The following KIF2A variants were observed in gnomAD, a reference collection of about 807,000 sequenced individuals.
KIF2A encodes the protein kinesin-like protein KIF2A.
KIF2A carries 22 observed loss-of-function variants against 100.2 expected under a neutral mutation model. The observed-to-expected ratio is 0.22, with a 90% CI of 0.16 to 0.31. The LOEUF (loss-of-function observed/expected upper bound fraction) is 0.31. Among genes scored for constraint, KIF2A ranks in the 10% least tolerant of loss-of-function variants. The probability of loss-of-function intolerance (pLI) is 1.00; values close to 1 mark genes in which losing one functional copy is unlikely to be tolerated. For synonymous variants in KIF2A, 268 were observed against 285.9 expected (o/e 0.94, Z 0.63); for missense variants, 495 against 898.7 (o/e 0.55, Z 5.74).
chr5:62,365,186 T>G (rs74715933), intron 14 of KIF2A, 57 bp from the exon 15 acceptor site: 18 of 840,760 alleles, frequency 2.1e-5, no homozygotes, highest in Non-Finnish European at 3.4e-5. Context: ...ATATGTTAAT[T>G]AAGATTATCC....
chr5:62,355,318 A>G, intron 7 of KIF2A, 64 bp downstream of exon 7: 1 of 829,122 alleles, frequency 1.2e-6, no homozygotes, highest in Non-Finnish European at 2.0e-6. Flanking sequence ...CGTGTTTGAC[A>G]CTTGCTAAAT....
At chr5:62,377,538 C>A in intron 18 of KIF2A, 123 bp from the exon 19 acceptor site, 1 of 464,416 alleles carries the variant, frequency 2.2e-6, no homozygotes, top group Non-Finnish European at 3.8e-6. Context: ...ATATATTTTA[C>A]TAGCCTTTAC....
chr5:62,338,890 A>G lies in KIF2A; in HGVS notation c.65-8240A>G, dbSNP rs569532678. On this transcript the variant is annotated intron_variant, in intron 1 of 20. Coordinates refer to ENST00000407818, the MANE Select transcript of KIF2A (RefSeq NM_001098511.3). ...GCCCCAACACTCAAGTCAGTACTCA[A>G]AAGGCCTGAATGGCTAACAAGCACA... is the stretch of plus-strand genomic sequence containing the variant. 6.6e-5 allele frequency among the ~76,000 whole-genome samples: 10 copies of G among 152,354 alleles called. No homozygotes were observed. The East Asian group carries it at 1.9e-3, about 29-fold the overall frequency.
intron 13 of KIF2A, 118 bp downstream of exon 13, chr5:62,363,438 A>T: frequency 1.0e-6 from 1 of 972,476 alleles, no homozygotes; most frequent in Non-Finnish European, 1.5e-6. Flanking sequence ...TTGTTCATAA[A>T]AACTTGTGTT....
chr5:62,308,488 A>G (rs1561242434), intron 1 of KIF2A: 6 of 752,594 alleles, frequency 8.0e-6, no homozygotes, highest in Admixed American at 2.0e-5. Flanking sequence ...AAGATAGGGA[A>G]GCAACCTAAA....
chr5:62,308,544 G>A, intron 1 of KIF2A: 1 of 703,018 alleles, frequency 1.4e-6, no homozygotes, highest in South Asian at 1.5e-5. Context: ...ATGTGTGTGT[G>A]TATACGTTTA....
intron 1 of KIF2A, among the ~76,000 whole-genome samples, chr5:62,334,226 A>G (rs1057174749): frequency 6.6e-6 from 1 of 151,694 alleles, no homozygotes; most frequent in African/African-American, 2.4e-5. Flanking sequence ...AGTACCTCCA[A>G]TTTGACTCAC....
intron 9 of KIF2A, among the ~76,000 whole-genome samples, 165 bp downstream of exon 9, chr5:62,358,464 C>T (rs1748222890): frequency 6.6e-6 from 1 of 152,110 alleles, no homozygotes; most frequent in South Asian, 2.1e-4. Flanking sequence ...AATATTAACA[C>T]TTGTTCTCTG....
At chr5:62,324,679 CCCTT>C (rs1258919045) in intron 1 of KIF2A, among the ~76,000 whole-genome samples, 1 of 152,112 alleles carries the variant, frequency 6.6e-6, no homozygotes, top group Non-Finnish European at 1.5e-5. Flanking sequence ...GAAACTGGAC[CCCTT>C]CCTTTCACCA....
intron 1 of KIF2A, among the ~76,000 whole-genome samples, chr5:62,326,144 C>T (rs1454275177): frequency 6.6e-6 from 1 of 152,170 alleles, no homozygotes; most frequent in Non-Finnish European, 1.5e-5. Flanking sequence ...AAAAATGCCT[C>T]TGCAGACCAA....
At position 62,361,296 on chromosome 5, in the gene KIF2A, C is replaced by A; in HGVS notation, c.927C>A (p.Cys309Ter). ...TATTTGAAAGGGGAATGGCTACATGCTTTGCTTATGGGCAGACTGGAAGTG... is the reference window on the plus strand; with the variant it reads ...TATTTGAAAGGGGAATGGCTACATGATTTGCTTATGGGCAGACTGGAAGTG... ...ETIFERGMAT[C>*]FAYGQTGSGK... Residue 309 changes from cysteine to a stop codon, truncating the protein, a stop_gained, in exon 10 of 21, where the codon TGC becomes TGA. Transcript: ENST00000407818. LOFTEE classifies it high-confidence loss of function. The A allele has an allele frequency of 6.2e-7, 1 of 1,608,950 alleles. No individual in the cohort carries two copies. The highest frequency in any genetic ancestry group is 8.5e-7 in the Non-Finnish European group (1 of 1,176,910).
At chr5:62,367,888 T>G (rs1741150322) in intron 16 of KIF2A, among the ~76,000 whole-genome samples, 1 of 152,230 alleles carries the variant, frequency 6.6e-6, no homozygotes, top group African/African-American at 2.4e-5. Context: ...ACAAAATTCC[T>G]CTTTGTAATC....
intron 1 of KIF2A, among the ~76,000 whole-genome samples, chr5:62,307,837 C>T (rs1579989241): frequency 6.6e-6 from 1 of 152,090 alleles, no homozygotes; most frequent in African/African-American, 2.4e-5. Flanking sequence ...AGGCTGGTCT[C>T]GAACTCCTGA....
chr5:62,310,442 A>C (rs1431559863), intron 1 of KIF2A, among the ~76,000 whole-genome samples: 1 of 152,240 alleles, frequency 6.6e-6, no homozygotes, highest in Non-Finnish European at 1.5e-5. Flanking sequence ...AATTCCTTGC[A>C]CATCGTTTTT....
chr5:62,338,320 G>C (rs1476488974), intron 1 of KIF2A, among the ~76,000 whole-genome samples: 1 of 152,158 alleles, frequency 6.6e-6, no homozygotes, highest in Non-Finnish European at 1.5e-5. Flanking sequence ...TCGGAGTCTT[G>C]CTGTGTCACC....
rs1741993498 is a variant in KIF2A, at chr5:62,385,698, T to C, written c.*129T>C. ...GAAAATGTTTTGTCCTTCACCTGAA[T>C]TACATTTCAATTTTGTGAAACACTC... On this transcript the variant is annotated 3_prime_UTR_variant, in exon 21 of 21. Transcript: ENST00000407818. 4.7e-6 allele frequency: 3 copies of C among 633,210 alleles called. No homozygotes were observed. Among genetic ancestry groups the C allele is most frequent in the Non-Finnish European group, 8.4e-6 (3 of 356,406 alleles). The allele number at this position is 633,210 out of a possible 1,614,324, so 39.2% of individuals were successfully genotyped here.
Position 62,366,444 on chromosome 5 carries a change from T to C in KIF2A, c.1609T>C (p.Cys537Arg). 1 of 1,582,554 alleles carries C rather than the reference T, an allele frequency of 6.3e-7. No individual in the cohort carries two copies. Among genetic ancestry groups the C allele is most frequent in the Non-Finnish European group, 8.6e-7 (1 of 1,160,588 alleles). Residue 537 changes from cysteine to arginine, a missense_variant, in exon 16 of 21, where the codon TGT (cysteine) becomes CGT (arginine). This residue lies in a region of KIF2A where 100 missense variants were observed against 138.2 expected (regional missense o/e 0.72). Coordinates refer to ENST00000407818, the MANE Select transcript of KIF2A (RefSeq NM_001098511.3). ...IATISPGMAS[C>R]ENTLNTLRYA... ...CACAATCTCTCCAGGAATGGCATCC[T>C]GTGAAAATACTCTTAATACATTAAG...
intron 1 of KIF2A, among the ~76,000 whole-genome samples, chr5:62,327,631 T>A (rs1450914643): frequency 1.3e-5 from 2 of 152,218 alleles, no homozygotes; most frequent in Admixed American, 1.3e-4. Flanking sequence ...CACATGGAGC[T>A]TCAGTGATCT....
At chr5:62,374,788 A>G (rs997098089) in intron 18 of KIF2A, among the ~76,000 whole-genome samples, 2 of 152,174 alleles carry the variant, frequency 1.3e-5, no homozygotes, top group Admixed American at 6.5e-5. Context: ...TTAGCTGAGC[A>G]TGGTGGCACA....
Sources: gnomAD v4.1 joint callset for allele counts (sites outside exome capture counted in the v4.1 genomes callset) on GRCh38, gnomAD v4.1.1 for gene constraint, gnomAD v4.1.1 regional missense constraint, MANE v1.5 for transcripts, NCBI Gene and HGNC (gene_info 2026-07-23, HGNC 2026-07-21) for gene names.